RCHY1: variants seen among roughly 807,000 people sequenced by gnomAD.
The protein encoded by RCHY1 is RING finger and CHY zinc finger domain-containing protein 1.
Under a neutral mutation model 41.6 loss-of-function variants are expected in RCHY1, and 21 were observed. That is an observed-to-expected ratio of 0.51 (90% CI 0.36 to 0.73). The LOEUF (loss-of-function observed/expected upper bound fraction) is 0.73, where lower values mean the gene tolerates loss of function less well. RCHY1 is among the 30% of genes least tolerant of loss of function. The probability of loss-of-function intolerance (pLI) is 0.00; values close to 1 mark genes in which losing one functional copy is unlikely to be tolerated. For synonymous variants in RCHY1, 79 were observed against 102.9 expected, an observed-to-expected ratio of 0.77 and a Z score of 1.41; for missense variants, 265 against 325.3, an observed-to-expected ratio of 0.81 and a Z score of 1.43.
intron 4 of RCHY1, 107 bp downstream of exon 4, chr4:75,493,994 C>A: frequency 1.5e-6 from 1 of 655,910 alleles, no homozygotes; most frequent in Non-Finnish European, 2.6e-6. Flanking sequence ...AATATAGTTG[C>A]ACTTGGAAAT....
rs1232590721 is a variant in RCHY1 at position 75,479,689 on chromosome 4, T to C, written c.*2849A>G. ...AATGATAAAAGAAGCTGAGATGCTA[T>C]GCACCAAAAAATTCGTAAGGGTATT... On this transcript the variant is annotated 3_prime_UTR_variant, in exon 9 of 9. Transcript: ENST00000324439. 1 of 152,138 alleles carries C rather than the reference T, an allele frequency of 6.6e-6. No homozygotes were observed. Among genetic ancestry groups the C allele is most frequent in the East Asian group, 1.9e-4 (1 of 5,204 alleles). The allele number at this position is 152,138 out of a possible 1,614,324, so 9.4% of individuals were successfully genotyped here.
At chr4:75,509,463 C>A (rs1043009797) in intron 1 of RCHY1, 167 bp from the exon 2 acceptor site, 33 of 572,260 alleles carry the variant, frequency 5.8e-5, no homozygotes, top group Non-Finnish European at 5.8e-5. Flanking sequence ...AGTTTCTTGG[C>A]ATATTTTATG....
intron 3 of RCHY1, among the ~76,000 whole-genome samples, chr4:75,502,631 T>C (rs1455888793): frequency 1.3e-5 from 2 of 152,248 alleles, no homozygotes; most frequent in Non-Finnish European, 2.9e-5. Context: ...AATTATCATA[T>C]GGGTCCATTG....
At chr4:75,512,838 C>T (rs535379347) in intron 1 of RCHY1, among the ~76,000 whole-genome samples, 4 of 143,092 alleles carry the variant, frequency 2.8e-5, no homozygotes, top group Admixed American at 7.7e-5. Flanking sequence ...CTTACTCAAA[C>T]AGCTGCATTT....
intron 4 of RCHY1, among the ~76,000 whole-genome samples, chr4:75,492,533 T>G (rs1433695236): frequency 2.6e-5 from 4 of 151,912 alleles, no homozygotes; most frequent in Non-Finnish European, 5.9e-5. Context: ...CAGGCTAACT[T>G]CAGAGCCAGA....
intron 1 of RCHY1, among the ~76,000 whole-genome samples, chr4:75,511,274 C>T (rs917068599): frequency 2.0e-5 from 3 of 152,132 alleles, no homozygotes; most frequent in African/African-American, 7.2e-5. Flanking sequence ...AAGAAAATCT[C>T]ACCAAAAAAA....
chr4:75,490,776 G>T, intron 7 of RCHY1, 75 bp from the exon 8 acceptor site: 1 of 1,071,308 alleles, frequency 9.3e-7, no homozygotes, highest in Non-Finnish European at 1.4e-6. Flanking sequence ...GAAGATGCAG[G>T]CTAACTGCCA....
In RCHY1 at chr4:75,490,655, T is replaced by G. The variant is rs1457457314; in HGVS notation, c.583A>C (p.Arg195=). The change falls in exon 8 of 9, where the codon AGG becomes CGG. Residue 195 remains arginine (R), a synonymous_variant. Coordinates refer to ENST00000324439, the MANE Select transcript of RCHY1 (RefSeq NM_015436.4). ...LCMHSALDMT[R]YWRQLDDEVA... ...TCATCATCCAGCTGTCTCCAATACCTGGTCATATCTAAAGCAGAGTGCATA... is the reference window on the plus strand; with the variant it reads ...TCATCATCCAGCTGTCTCCAATACCGGGTCATATCTAAAGCAGAGTGCATA... 1.9e-6 allele frequency: 3 copies of G among 1,610,478 alleles called. No homozygotes were observed. The South Asian group carries it at 3.3e-5, about 18-fold the overall frequency.
At chr4:75,490,829 A>G (rs1449744707) in intron 7 of RCHY1, 128 bp from the exon 8 acceptor site, 1 of 631,138 alleles carries the variant, frequency 1.6e-6, no homozygotes, top group African/African-American at 1.9e-5. Context: ...TTTCAAGATA[A>G]TCTCTTAGGA....
intron 4 of RCHY1, among the ~76,000 whole-genome samples, chr4:75,493,377 ACTT>A (rs1168328092): frequency 6.6e-6 from 1 of 151,836 alleles, no homozygotes; most frequent in Non-Finnish European, 1.5e-5. Context: ...TTCTGCAATA[ACTT>A]CTTATTCTTA....
intron 3 of RCHY1, among the ~76,000 whole-genome samples, chr4:75,503,275 G>A (rs924698795): frequency 1.3e-5 from 2 of 152,110 alleles, no homozygotes; most frequent in African/African-American, 2.4e-5. Flanking sequence ...CAGTGCTCTG[G>A]ACTCTAATTA....
intron 1 of RCHY1, 164 bp downstream of exon 1, chr4:75,514,033 C>T (rs1725257016): frequency 1.8e-6 from 2 of 1,130,348 alleles, no homozygotes; most frequent in Non-Finnish European, 2.4e-6. Flanking sequence ...GGCTTATCGC[C>T]TTGCCAAAAA....
At chr4:75,487,779 TTC>T (rs1722328493) in intron 8 of RCHY1, among the ~76,000 whole-genome samples, 1 of 108,036 alleles carries the variant, frequency 9.3e-6, no homozygotes, top group African/African-American at 4.0e-5. Flanking sequence ...CATATATATA[TTC>T]ATAATATATA....
Position 75,491,800 on chromosome 4 carries a change from G to A in RCHY1, c.451-18C>T, listed in dbSNP as rs764752696. ...TGAATGTCCTGTAAATGAAATAAAT[G>A]TTAGTGCTTGTATGAAGACAATATA... is the stretch of plus-strand genomic sequence containing the variant. On this transcript the variant is annotated intron_variant, in intron 5 of 8. Coordinates refer to ENST00000324439, the MANE Select transcript of RCHY1 (RefSeq NM_015436.4). The A allele has an allele frequency of 2.5e-6, 4 of 1,611,482 alleles. No homozygotes were observed. Among genetic ancestry groups the A allele is most frequent in the East Asian group, 2.2e-5 (1 of 44,810 alleles).
In RCHY1 at chr4:75,487,692, C is replaced by CAT. The variant is rs1295285460; in HGVS notation, c.657+2887_657+2888dup. 7.8e-3 allele frequency among the ~76,000 whole-genome samples: 455 copies of CAT among 58,472 alleles called. 6 individuals are homozygous for CAT. Among genetic ancestry groups the CAT allele is most frequent in the African/African-American group, 0.022 (221 of 9,880 alleles). The allele number at this position is 58,472 out of a possible 152,430, so 38.4% of individuals were successfully genotyped here. ...CATATATATTCATAATATATATATT[C>CAT]ATATATATATTCATAATATATATTC... is the stretch of plus-strand genomic sequence containing the variant. On this transcript the variant is annotated intron_variant, in intron 8 of 8. Coordinates refer to ENST00000324439, the MANE Select transcript of RCHY1 (RefSeq NM_015436.4).
intron 7 of RCHY1, chr4:75,491,126 G>A (rs1316872289): frequency 6.3e-6 from 1 of 158,526 alleles, no homozygotes; most frequent in African/African-American, 2.4e-5. Flanking sequence ...TCACATTTTT[G>A]CTCATCAATA....
In RCHY1 at chr4:75,499,914, A is replaced by C. The variant is rs1017423478; in HGVS notation, c.327-5735T>G. On this transcript the variant is annotated intron_variant, in intron 3 of 8. Transcript: ENST00000324439. ...TTGATTATACATTTCAAACTAGCTAAAAGAGAATTAATTCAAATGTTTCTA... is the reference window on the plus strand; with the variant it reads ...TTGATTATACATTTCAAACTAGCTACAAGAGAATTAATTCAAATGTTTCTA... Among the ~76,000 whole-genome samples the C allele has an allele frequency of 4.6e-5, 7 of 152,320 alleles. No individual in the cohort carries two copies. The Middle Eastern group carries it at 0.01, about 222-fold the overall frequency.
chr4:75,498,438 T>C lies in RCHY1; in HGVS notation c.327-4259A>G, dbSNP rs1723425053. Among the ~76,000 whole-genome samples, 4 of 126,304 alleles carry C rather than the reference T, an allele frequency of 3.2e-5. No homozygotes were observed. In the South Asian group the frequency reaches 9.6e-4, roughly 30 times the overall value. 82.9% of individuals were successfully genotyped at this position (126,304 alleles called of 152,430 possible). ...GAAAGAAAAGAAATCCTAAAATTTA[T>C]ATGGAGCCACAAAAGACCCTGAATA... On this transcript the variant is annotated intron_variant, in intron 3 of 8. Coordinates refer to ENST00000324439, the MANE Select transcript of RCHY1 (RefSeq NM_015436.4).
Position 75,480,457 on chromosome 4 carries a change from A to C in RCHY1, c.*2081T>G, listed in dbSNP as rs1721431889. 1 of 152,136 alleles carries C rather than the reference A, an allele frequency of 6.6e-6. No individual in the cohort carries two copies. Among genetic ancestry groups the C allele is most frequent in the South Asian group, 2.1e-4 (1 of 4,832 alleles). 9.4% of individuals were successfully genotyped at this position (152,136 alleles called of 1,614,324 possible). A position where few individuals can be genotyped will look rare whatever the true frequency, so the allele number is the denominator to read the frequency against. On this transcript the variant is annotated 3_prime_UTR_variant, in exon 9 of 9. Transcript: ENST00000324439. ...GAGTCAAACTTGGATCTGATTCCCAACTCCAACATATAGTGTCTGTTATTT... is the reference window on the plus strand; with the variant it reads ...GAGTCAAACTTGGATCTGATTCCCACCTCCAACATATAGTGTCTGTTATTT...
Sources: allele counts gnomAD v4.1 joint callset (sites outside exome capture counted in the v4.1 genomes callset), GRCh38; gene constraint gnomAD v4.1.1; transcripts MANE v1.5; gene names NCBI Gene and HGNC (gene_info 2026-07-23, HGNC 2026-07-21).